The following KRT6A variants were observed in gnomAD, a reference collection of about 807,000 sequenced individuals.
The protein encoded by KRT6A is keratin, type II cytoskeletal 6A.
A neutral mutation model predicts 48.6 loss-of-function variants in KRT6A; 28 were observed. The ratio of observed to expected loss-of-function variants is 0.58; its 90% CI spans 0.43 to 0.79. The LOEUF (loss-of-function observed/expected upper bound fraction) is 0.79. Among genes scored for constraint, KRT6A ranks in the 30% least tolerant of loss-of-function variants. The probability of loss-of-function intolerance (pLI) is 0.00; values close to 1 mark genes in which losing one functional copy is unlikely to be tolerated. For synonymous variants in KRT6A, 301 were observed against 294.2 expected (o/e 1.02, Z -0.24); for missense variants, 687 against 724.3 (o/e 0.95, Z 0.59).
rs760975660 is a variant in KRT6A, at chr12:52,492,661, G to A, written c.528C>T (p.Ser176=). The change falls in exon 1 of 9, where the codon TCC becomes TCT. Residue 176 remains serine (S), a synonymous_variant. Coordinates refer to ENST00000330722, the MANE Select transcript of KRT6A (RefSeq NM_005554.4). ...GGCACTGGCTCACCTTGTCGATGAA[G>A]GAGGCAAACTTGTTGTTGAGGGTCT... ...QIKTLNNKFA[S]FIDKVRFLEQ... is the part of the protein sequence containing the mutation. 3 of 1,613,922 alleles carry A rather than the reference G, an allele frequency of 1.9e-6. No homozygotes were observed. Among genetic ancestry groups the A allele is most frequent in the African/African-American group, 1.3e-5 (1 of 74,930 alleles).
At position 52,492,696 on chromosome 12, in the gene KRT6A, C is replaced by T. The variant is rs759642583; in HGVS notation, c.493G>A (p.Glu165Lys). ...TIQRVRAEER[E>K]QIKTLNNKFA... ...TTGTTGTTGAGGGTCTTGATCTGTTCACGCTCCTCAGCCCGCACCCGCTGG... is the reference window on the plus strand; with the variant it reads ...TTGTTGTTGAGGGTCTTGATCTGTTTACGCTCCTCAGCCCGCACCCGCTGG... The change falls in exon 1 of 9, where the codon GAA (glutamate) becomes AAA (lysine). Residue 165 changes from glutamate (E) to lysine (K), a missense_variant. Transcript: ENST00000330722. 4 of 1,613,922 alleles carry T rather than the reference C, an allele frequency of 2.5e-6. No individual in the cohort carries two copies. The African/African-American group carries it at 5.3e-5, about 22-fold the overall frequency.
In KRT6A at chr12:52,488,116, A is replaced by G. The variant is rs758988804; in HGVS notation, c.1425-13T>C. 3.1e-6 allele frequency: 5 copies of G among 1,613,986 alleles called. No individual in the cohort carries two copies. The highest frequency in any genetic ancestry group is 2.2e-5 in the South Asian group (2 of 91,066). On this transcript the variant is annotated splice_polypyrimidine_tract_variant and intron_variant, in intron 7 of 8. Transcript: ENST00000330722. ...TTCGCCATTCAGCCTGTGGAGAGGA[A>G]CACAGGGAGGGTGAGACCTCAGAGA...
In KRT6A at chr12:52,492,854, A is replaced by C; in HGVS notation, c.335T>G (p.Leu112Arg). The change falls in exon 1 of 9, where the codon CTG (leucine) becomes CGG (arginine). Residue 112 changes from leucine (L) to arginine (R), a missense_variant. By Grantham distance (102) the Leu-to-Arg change is moderately radical. Around this residue, in one of 3 missense-constraint regions of KRT6A, gnomAD observed 49 missense variants for 97.3 expected, o/e 0.50. Transcript: ENST00000330722. ...ACCAGCAAGGCCGGCTCCACCACCCAGACCAAAGCCAATGCCGGCTCCACC... is the reference window on the plus strand; with the variant it reads ...ACCAGCAAGGCCGGCTCCACCACCCCGACCAAAGCCAATGCCGGCTCCACC... ...FGGGAGIGFGLGGGAGLAGGF... is the reference protein window; with the variant it reads ...FGGGAGIGFGRGGGAGLAGGF... The C allele has an allele frequency of 6.2e-7, 1 of 1,610,286 alleles. No individual in the cohort carries two copies. The highest frequency in any genetic ancestry group is 2.2e-5 in the East Asian group (1 of 44,802).
In KRT6A at chr12:52,492,529, C is replaced by T. The variant is rs1592186329; in HGVS notation, c.540+120G>A. 5 of 1,569,928 alleles carry T rather than the reference C, an allele frequency of 3.2e-6. No homozygotes were observed. The South Asian group carries it at 4.4e-5, about 14-fold the overall frequency. ...CTGGGCACCAGCAGCCATCTGCACTCTCTGCAGAGCTGGGCTGAGTCCTCT... is the reference window on the plus strand; with the variant it reads ...CTGGGCACCAGCAGCCATCTGCACTTTCTGCAGAGCTGGGCTGAGTCCTCT... On this transcript the variant is annotated intron_variant, in intron 1 of 8. Transcript: ENST00000330722.
rs190973167 is a variant in KRT6A, at chr12:52,488,467, C to G, written c.1285G>C (p.Gly429Arg). 354 of 1,614,186 alleles carry G rather than the reference C, an allele frequency of 2.2e-4. 3 individuals are homozygous for G. In the East Asian group the frequency reaches 7.5e-3, roughly 34 times the overall value. ...ALKDAKNKLE[G>R]LEDALQKAKQ... ...GCCTTCTGCAGGGCATCCTCCAGCCCTTCCAGCTTGTTCTTGGCATCCTTG... is the reference window on the plus strand; with the variant it reads ...GCCTTCTGCAGGGCATCCTCCAGCCGTTCCAGCTTGTTCTTGGCATCCTTG... The change falls in exon 7 of 9, where the codon GGG (glycine) becomes CGG (arginine). Residue 429 changes from glycine to arginine, a missense_variant. This residue lies in a region of KRT6A where 566 missense variants were observed against 565.3 expected (regional missense o/e 1.00). Coordinates refer to ENST00000330722, the MANE Select transcript of KRT6A (RefSeq NM_005554.4).
Position 52,490,886 on chromosome 12 carries a change from A to T in KRT6A, c.884T>A (p.Ile295Asn). ...QAKADTLTDEINFLRALYDAE... is the reference protein window; with the variant it reads ...QAKADTLTDENNFLRALYDAE... Reference sequence around the variant, plus strand: ...ATCATACAAGGCTCTCAGGAAGTTGATCTCGTCTGTGAGAGTGTCTGCCTT... The same window carrying T: ...ATCATACAAGGCTCTCAGGAAGTTGTTCTCGTCTGTGAGAGTGTCTGCCTT... Residue 295 changes from isoleucine to asparagine, a missense_variant, in exon 4 of 9, where the codon ATC becomes AAC. Physicochemically the swap from Ile to Asn is moderately radical, Grantham distance 149 (BLOSUM62 -3). Coordinates refer to ENST00000330722, the MANE Select transcript of KRT6A (RefSeq NM_005554.4). 6.2e-7 allele frequency: 1 copy of T among 1,613,958 alleles called. No individual in the cohort carries two copies.
rs776832787 is a variant in KRT6A, at chr12:52,491,150, G to A, written c.778C>T (p.Arg260Cys). The A allele has an allele frequency of 1.9e-5, 30 of 1,613,894 alleles. No homozygotes were observed. The highest frequency in any genetic ancestry group is 4.4e-5 in the South Asian group (4 of 91,050). The change falls in exon 3 of 9, where the codon CGC becomes TGC. Residue 260 changes from arginine (R) to cysteine (C), a missense_variant. By Grantham distance (180) the Arg-to-Cys change is radical. Around this residue, in one of 3 missense-constraint regions of KRT6A, gnomAD observed 566 missense variants for 565.3 expected, o/e 1.00. Transcript: ENST00000330722. Reference protein sequence around the residue: ...KNKYEDEINKRTAAENEFVTL... With the variant: ...KNKYEDEINKCTAAENEFVTL... ...ACAAATTCATTCTCTGCTGCTGTGC[G>A]CTTGTTGATTTCATCCTCATATCTA... is the stretch of plus-strand genomic sequence containing the variant.
chr12:52,489,925 C>A lies in KRT6A; in HGVS notation c.1203+18G>T, dbSNP rs1257716605. ...CTGACAAGGAAATGCTTCTCTCCTC[C>A]ATTGTCCCTCACCATACCTGCTTCT... is the stretch of plus-strand genomic sequence containing the variant. On this transcript the variant is annotated intron_variant, in intron 6 of 8. Coordinates refer to ENST00000330722, the MANE Select transcript of KRT6A (RefSeq NM_005554.4). 1 of 1,613,988 alleles carries A rather than the reference C, an allele frequency of 6.2e-7. No homozygotes were observed. The highest frequency in any genetic ancestry group is 8.5e-7 in the Non-Finnish European group (1 of 1,180,038).
chr12:52,491,037 C>T, intron 3 of KRT6A, 75 bp downstream of exon 3: 2 of 1,613,976 alleles, frequency 1.2e-6, no homozygotes, highest in Non-Finnish European at 1.7e-6. Flanking sequence ...CAATTCTCCT[C>T]TCCCAGGGGA....
In KRT6A at chr12:52,493,235, A is replaced by C. The variant is rs766150726; in HGVS notation, c.-47T>G. The stretch of plus-strand genomic sequence containing the variant: ...TGAGGAGAGTGTGAGAGGCTGGAGG[A>C]GAGAGGGAAGAGAAGCAGGACTAGG... On this transcript the variant is annotated 5_prime_UTR_variant, in exon 1 of 9. Transcript: ENST00000330722. The C allele has an allele frequency of 7.1e-5, 114 of 1,613,224 alleles. No homozygotes were observed. In the South Asian group the frequency reaches 8.9e-4, roughly 13 times the overall value.
In KRT6A at chr12:52,492,186, C is replaced by G. The variant is rs536584252; in HGVS notation, c.541-450G>C. On this transcript the variant is annotated intron_variant, in intron 1 of 8. Transcript: ENST00000330722. ...CTCTAAAACATCCTGATGTTATGGT[C>G]ATTCTTTGTTTTGAGGATTAATTAA... Among the ~76,000 whole-genome samples, 117 of 152,280 alleles carry G rather than the reference C, an allele frequency of 7.7e-4. 1 individual carries two copies. The highest frequency in any genetic ancestry group is 1.2e-3 in the Non-Finnish European group (82 of 68,016).
Position 52,488,566 on chromosome 12 carries a change from T to C in KRT6A, c.1204-18A>G. ...TTGGCGCACTGGAAGAGGAAAGGAA[T>C]AGAAGAAACTTGTCATCCGGTCTTC... On this transcript the variant is annotated intron_variant, in intron 6 of 8. Transcript: ENST00000330722. The C allele has an allele frequency of 6.2e-7, 1 of 1,614,014 alleles. No individual in the cohort carries two copies. The highest frequency in any genetic ancestry group is 1.1e-5 in the South Asian group (1 of 91,076).
chr12:52,493,226 G>T lies in KRT6A; in HGVS notation c.-38C>A, dbSNP rs1280105759. On this transcript the variant is annotated 5_prime_UTR_variant, in exon 1 of 9. Coordinates refer to ENST00000330722, the MANE Select transcript of KRT6A (RefSeq NM_005554.4). ...TGAGAGAGCTGAGGAGAGTGTGAGAGGCTGGAGGAGAGAGGGAAGAGAAGC... is the reference window on the plus strand; with the variant it reads ...TGAGAGAGCTGAGGAGAGTGTGAGATGCTGGAGGAGAGAGGGAAGAGAAGC... 1.2e-6 allele frequency: 2 copies of T among 1,613,968 alleles called. No homozygotes were observed. The highest frequency in any genetic ancestry group is 1.1e-5 in the South Asian group (1 of 91,050).
intron 6 of KRT6A, among the ~76,000 whole-genome samples, chr12:52,489,432 C>A (rs1938213176): frequency 6.6e-6 from 1 of 152,130 alleles, no homozygotes; most frequent in South Asian, 2.1e-4. Context: ...GCACGCTCCA[C>A]CATGCCCGGC....
At chr12:52,492,332 C>T (rs1430433439) in intron 1 of KRT6A, among the ~76,000 whole-genome samples, 2 of 152,172 alleles carry the variant, frequency 1.3e-5, no homozygotes, top group Non-Finnish European at 2.9e-5. Context: ...ATTTACCAGC[C>T]CGTGTACTCC....
At position 52,493,110 on chromosome 12, in the gene KRT6A, C is replaced by T. The variant is rs1240542109; in HGVS notation, c.79G>A (p.Gly27Arg). 1 of 1,614,058 alleles carries T rather than the reference C, an allele frequency of 6.2e-7. No individual in the cohort carries two copies. Among genetic ancestry groups the T allele is most frequent in the Non-Finnish European group, 8.5e-7 (1 of 1,180,038 alleles). The stretch of plus-strand genomic sequence containing the variant: ...CTGCTGAAGCCAGAGCGGCTGACCC[C>T]AGGGAGCCTGGCTGAGTTGGCACTG... ...GFSANSARLP[G>R]VSRSGFSSVS... The change falls in exon 1 of 9, where the codon GGG (glycine) becomes AGG (arginine). Residue 27 changes from glycine to arginine, a missense_variant. Physicochemically the swap from Gly to Arg is moderately radical, Grantham distance 125. Around this residue, in one of 3 missense-constraint regions of KRT6A, gnomAD observed 72 missense variants for 61.8 expected, o/e 1.17. Transcript: ENST00000330722.
intron 6 of KRT6A, 166 bp downstream of exon 6, chr12:52,489,777 A>G (rs1476647955): frequency 9.0e-7 from 1 of 1,113,118 alleles, no homozygotes; most frequent in African/African-American, 1.6e-5. Context: ...TGCCATAGGT[A>G]GGATCTATGT....
rs987472163 is a variant in KRT6A at position 52,493,255 on chromosome 12, A to G, written c.-67T>C. On this transcript the variant is annotated 5_prime_UTR_variant, in exon 1 of 9. Coordinates refer to ENST00000330722, the MANE Select transcript of KRT6A (RefSeq NM_005554.4). ...GGAGGAGAGAGGGAAGAGAAGCAGG[A>G]CTAGGAATCAGGCTCGGGGCAGCAG... is the stretch of plus-strand genomic sequence containing the variant. The G allele has an allele frequency of 1.6e-5, 26 of 1,610,194 alleles. No homozygotes were observed. The highest frequency in any genetic ancestry group is 2.0e-5 in the Non-Finnish European group (23 of 1,178,302).
Position 52,492,865 on chromosome 12 carries a change from A to G in KRT6A, c.324T>C (p.Ile108=), listed in dbSNP as rs775731695. Residue 108 remains isoleucine (I), a synonymous_variant, in exon 1 of 9, where the codon ATT becomes ATC. Coordinates refer to ENST00000330722, the MANE Select transcript of KRT6A (RefSeq NM_005554.4). The part of the protein sequence containing the change: ...SGFGFGGGAG[I]GFGLGGGAGL... ...CGGCTCCACCACCCAGACCAAAGCCAATGCCGGCTCCACCACCGAAACCAA... is the reference window on the plus strand; with the variant it reads ...CGGCTCCACCACCCAGACCAAAGCCGATGCCGGCTCCACCACCGAAACCAA... 1.2e-6 allele frequency: 2 copies of G among 1,608,326 alleles called. No individual in the cohort carries two copies. The highest frequency in any genetic ancestry group is 1.3e-5 in the African/African-American group (1 of 74,426).
Sources: allele counts gnomAD v4.1 joint callset (sites outside exome capture counted in the v4.1 genomes callset), GRCh38; gene constraint gnomAD v4.1.1; regional missense constraint gnomAD v4.1.1; transcripts MANE v1.5; gene names NCBI Gene and HGNC (gene_info 2026-07-23, HGNC 2026-07-21).